Variants in SLC39A11 observed in about 807,000 individuals in gnomAD.
The protein encoded by SLC39A11 is solute carrier family 39 member 11, also known as zinc transporter ZIP11.
In SLC39A11, 33 loss-of-function variants were observed where a neutral mutation model predicts 36.1. That is an observed-to-expected ratio of 0.91 (90% confidence interval 0.69 to 1.22). The LOEUF is 1.22. Ranked by LOEUF, SLC39A11 falls within the 50% of genes most tolerant of loss-of-function variation. The pLI is 0.00. For synonymous variants in SLC39A11, 166 were observed against 170.3 expected (o/e 0.97, Z 0.20); for missense variants, 432 against 430.3 (o/e 1.00, Z -0.03).
intron 4 of SLC39A11, among the ~76,000 whole-genome samples, chr17:73,025,175 C>T (rs1386966202): frequency 1.3e-5 from 2 of 152,114 alleles, no homozygotes; most frequent in Non-Finnish European, 2.9e-5. Context: ...TCCCTGCTTG[C>T]CAGCCTCCCC....
chr17:72,845,163 A>G (rs1436109808), intron 6 of SLC39A11, among the ~76,000 whole-genome samples: 1 of 152,220 alleles, frequency 6.6e-6, no homozygotes, highest in Non-Finnish European at 1.5e-5. Context: ...TTCAGTATCT[A>G]AAGAGAAACA....
intron 4 of SLC39A11, among the ~76,000 whole-genome samples, chr17:72,997,510 C>T (rs1482805753): frequency 6.6e-6 from 1 of 152,180 alleles, no homozygotes; most frequent in African/African-American, 2.4e-5. Flanking sequence ...GCCTCGGCCT[C>T]CCAAAGTGCT....
At chr17:72,905,172 CAAAAAAAA>C (rs58702930) in intron 5 of SLC39A11, among the ~76,000 whole-genome samples, 4,956 of 42,678 alleles carry the variant, frequency 0.12, 152 homozygotes, top group Middle Eastern at 0.25. Flanking sequence ...GACTCCATCT[CAAAAAAAA>C]AAAAAAAAAA....
chr17:73,000,236 CCT>C (rs146378521), intron 4 of SLC39A11, among the ~76,000 whole-genome samples: 4,720 of 151,112 alleles, frequency 0.031, 269 homozygotes, highest in African/African-American at 0.11. Flanking sequence ...CCCCCATTCC[CCT>C]CTTCTTCTCC....
Position 72,830,794 on chromosome 17 carries a change from C to T in SLC39A11, c.601+18840G>A, listed in dbSNP as rs1046248639. Among the ~76,000 whole-genome samples the T allele has an allele frequency of 3.3e-5, 5 of 152,232 alleles. 1 individual carries two copies. Among genetic ancestry groups the T allele is most frequent in the Middle Eastern group, 3.4e-3 (1 of 294 alleles). On this transcript the variant is annotated intron_variant, in intron 6 of 9. Transcript: ENST00000255559. ...GCATACCCTGGCACTCCTCTGAGTT[C>T]CTTAGTGCCTGAAATTCCACCTCTC...
intron 6 of SLC39A11, chr17:72,817,735 C>T (rs1433025587): frequency 6.6e-6 from 1 of 152,212 alleles, no homozygotes; most frequent in Admixed American, 6.5e-5. Flanking sequence ...GTCCTATTTC[C>T]AGCCTGGGAG....
At chr17:73,045,003 G>C (rs2143653438) in intron 3 of SLC39A11, among the ~76,000 whole-genome samples, 1 of 152,046 alleles carries the variant, frequency 6.6e-6, no homozygotes, top group East Asian at 1.9e-4. Flanking sequence ...ATATGTATTA[G>C]ATCTGGTTTT....
chr17:72,702,064 C>T (rs1349541505), intron 7 of SLC39A11, among the ~76,000 whole-genome samples: 1 of 61,034 alleles, frequency 1.6e-5, no homozygotes, highest in African/African-American at 5.2e-5. Flanking sequence ...TGTGATCACA[C>T]CACTGCACTC....
intron 4 of SLC39A11, among the ~76,000 whole-genome samples, chr17:73,027,306 AT>A (rs1401956816): frequency 3.9e-5 from 6 of 152,166 alleles, no homozygotes; most frequent in African/African-American, 1.4e-4. Flanking sequence ...CCTCGAAAGC[AT>A]TTCCCATCAT....
At chr17:72,811,351 C>G (rs1421423162) in intron 6 of SLC39A11, among the ~76,000 whole-genome samples, 1 of 152,172 alleles carries the variant, frequency 6.6e-6, no homozygotes, top group Non-Finnish European at 1.5e-5. Context: ...CTCCTGACAG[C>G]CCCACCTCCT....
At chr17:72,804,705 G>A (rs989729461) in intron 6 of SLC39A11, among the ~76,000 whole-genome samples, 4 of 152,140 alleles carry the variant, frequency 2.6e-5, no homozygotes, top group Non-Finnish European at 4.4e-5. Flanking sequence ...TTCTTGATCT[G>A]TAAAGTGGGC....
At chr17:72,671,518 C>T (rs986846028) in intron 7 of SLC39A11, among the ~76,000 whole-genome samples, 6 of 152,156 alleles carry the variant, frequency 3.9e-5, no homozygotes, top group Non-Finnish European at 5.9e-5. Context: ...GTCAGGAGTT[C>T]GAGACCAGCC....
intron 5 of SLC39A11, among the ~76,000 whole-genome samples, chr17:72,929,299 C>T (rs962583198): frequency 3.9e-5 from 6 of 152,144 alleles, no homozygotes; most frequent in Non-Finnish European, 7.4e-5. Flanking sequence ...TTAGGGGCTG[C>T]GGACCAGCAG....
chr17:73,044,152 GA>G (rs573904058), intron 3 of SLC39A11, among the ~76,000 whole-genome samples: 3,103 of 142,326 alleles, frequency 0.022, 40 homozygotes, highest in Non-Finnish European at 0.031. Context: ...GCTTAAATAA[GA>G]AAAAAAAAAA....
rs1444285303 is a variant in SLC39A11 at position 72,930,714 on chromosome 17, C to T, written c.430+17038G>A. 2.0e-5 allele frequency among the ~76,000 whole-genome samples: 3 copies of T among 152,150 alleles called. No homozygotes were observed. In the East Asian group the frequency reaches 5.8e-4, roughly 29 times the overall value. On this transcript the variant is annotated intron_variant, in intron 5 of 9. Coordinates refer to ENST00000255559, the MANE Select transcript of SLC39A11 (RefSeq NM_139177.4). ...GAGGCTTGTGTTCCATAATAAATCT[C>T]ACGGAAGCATCTAGACTGGTCACTT... is the stretch of plus-strand genomic sequence containing the variant.
At chr17:73,020,759 T>C (rs1201374141) in intron 4 of SLC39A11, among the ~76,000 whole-genome samples, 4 of 150,556 alleles carry the variant, frequency 2.7e-5, no homozygotes, top group African/African-American at 9.8e-5. Context: ...CTTGGCTTAC[T>C]GCAACCTCCG....
chr17:72,990,066 T>TA (rs1320176800), intron 4 of SLC39A11, among the ~76,000 whole-genome samples: 1 of 152,232 alleles, frequency 6.6e-6, no homozygotes, highest in African/African-American at 2.4e-5. Flanking sequence ...ATGAAAGGCA[T>TA]AACATCAAAA....
At chr17:72,874,994 G>A (rs958161684) in intron 5 of SLC39A11, among the ~76,000 whole-genome samples, 1 of 152,132 alleles carries the variant, frequency 6.6e-6, no homozygotes, top group African/African-American at 2.4e-5. Flanking sequence ...GGGAAAGGAG[G>A]GAGAGACCAG....
chr17:73,089,808 C>G (rs2060866317), intron 1 of SLC39A11: 1 of 152,140 alleles, frequency 6.6e-6, no homozygotes, highest in African/African-American at 2.4e-5. Flanking sequence ...TGAAGTTACA[C>G]CACCGCCCAC....
Sources: allele counts gnomAD v4.1 joint callset (sites outside exome capture counted in the v4.1 genomes callset), GRCh38; gene constraint gnomAD v4.1.1; transcripts MANE v1.5; gene names NCBI Gene and HGNC (gene_info 2026-07-23, HGNC 2026-07-21).